Variants in TEX101 observed in about 807,000 individuals in gnomAD.
TEX101 encodes testis-expressed protein 101.
TEX101 carries 10 observed loss-of-function variants against 18.1 expected under a neutral mutation model. That is an observed-to-expected ratio of 0.55 (90% CI 0.34 to 0.94). The LOEUF (loss-of-function observed/expected upper bound fraction) is 0.94, where lower values mean the gene tolerates loss of function less well. Among genes scored for constraint, TEX101 ranks in the 40% least tolerant of loss-of-function variants. The probability of loss-of-function intolerance (pLI) is 0.02; values close to 1 mark genes in which losing one functional copy is unlikely to be tolerated. For missense variants in TEX101, 259 were observed against 298.9 expected (o/e 0.87, Z 0.98); for synonymous variants, 94 against 114.8 (o/e 0.82, Z 1.16).
chr19:43,411,365 C>G (rs912307536), upstream of TEX101, among the ~76,000 whole-genome samples: 1 of 152,216 alleles, frequency 6.6e-6, no homozygotes, highest in East Asian at 1.9e-4. Context: ...CCTGAGCCAC[C>G]GTGCCTGGCC....
the TEX101 span, among the ~76,000 whole-genome samples, chr19:43,395,360 C>T: frequency 1.3e-5 from 2 of 152,184 alleles, no homozygotes; most frequent in African/African-American, 4.8e-5. Flanking sequence ...ACAAATGTGG[C>T]GAATTTTGGG....
chr19:43,400,136 C>A (rs899257466), upstream of TEX101, among the ~76,000 whole-genome samples: 1 of 152,144 alleles, frequency 6.6e-6, no homozygotes, highest in Non-Finnish European at 1.5e-5. Context: ...CTTGACATGA[C>A]CCTTGTAGTA....
At chr19:43,417,781 G>A in intron 4 of TEX101, 97 bp from the exon 5 acceptor site, 1 of 1,495,986 alleles carries the variant, frequency 6.7e-7, no homozygotes, top group Non-Finnish European at 9.2e-7. Flanking sequence ...TGATTAGAGT[G>A]GCATCTGCAG....
chr19:43,398,578 G>A (rs901808700), upstream of TEX101, among the ~76,000 whole-genome samples: 8 of 152,106 alleles, frequency 5.3e-5, no homozygotes, highest in South Asian at 6.2e-4. Flanking sequence ...ATTTTTAAAC[G>A]GGGATACAAT....
chr19:43,405,943 G>A (rs1055556315), intron 2 of TEX101, among the ~76,000 whole-genome samples: 2 of 151,644 alleles, frequency 1.3e-5, no homozygotes, highest in African/African-American at 4.8e-5. Flanking sequence ...AAAATGGAAG[G>A]ATACACAATT....
exon 3 of TEX101, chr19:43,406,260 C>G (rs912526927): frequency 4.0e-6 from 2 of 499,114 alleles, no homozygotes; most frequent in Non-Finnish European, 3.5e-6. Context: ...CAATGAAGCC[C>G]GGATCAAGGG....
chr19:43,388,776 AT>A, the TEX101 span, among the ~76,000 whole-genome samples: 1 of 152,170 alleles, frequency 6.6e-6, no homozygotes, highest in Non-Finnish European at 1.5e-5. Context: ...ATTGTATCAC[AT>A]TTTGGCTTAA....
chr19:43,393,603 A>G, the TEX101 span, among the ~76,000 whole-genome samples: 60,645 of 151,348 alleles, frequency 0.4, 13,281 homozygotes, highest in East Asian at 0.72. Context: ...CAGCACTAAT[A>G]TCATGCACAT....
chr19:43,408,529 G>T (rs11669917), intron 3 of TEX101, among the ~76,000 whole-genome samples: 1 of 152,098 alleles, frequency 6.6e-6, no homozygotes, highest in Non-Finnish European at 1.5e-5. Flanking sequence ...GCGAGTTGGG[G>T]GTGGACAGGG....
the TEX101 span, among the ~76,000 whole-genome samples, chr19:43,389,949 A>G: frequency 6.6e-6 from 1 of 151,784 alleles, no homozygotes; most frequent in Non-Finnish European, 1.5e-5. Context: ...GCAGCATCCG[A>G]GCCAGCTTCT....
At chr19:43,407,813 C>A (rs1555745463) in intron 3 of TEX101, among the ~76,000 whole-genome samples, 1 of 152,206 alleles carries the variant, frequency 6.6e-6, no homozygotes, top group Non-Finnish European at 1.5e-5. Context: ...GGGTTGAGGC[C>A]CCATGCGGAG....
chr19:43,402,270 C>T (rs1437222259), intron 1 of TEX101, among the ~76,000 whole-genome samples: 2 of 152,098 alleles, frequency 1.3e-5, no homozygotes, highest in Admixed American at 6.5e-5. Flanking sequence ...TAGAAGCAAA[C>T]GAACAGCATC....
At chr19:43,415,524 G>C (rs1443016390) in intron 1 of TEX101, among the ~76,000 whole-genome samples, 1 of 152,202 alleles carries the variant, frequency 6.6e-6, no homozygotes, top group East Asian at 1.9e-4. Context: ...CACTATGGGG[G>C]GACGAGGCGG....
intron 4 of TEX101, among the ~76,000 whole-genome samples, chr19:43,417,654 T>A (rs1230853289): frequency 6.6e-6 from 1 of 152,256 alleles, no homozygotes; most frequent in Non-Finnish European, 1.5e-5. Context: ...ACAGGAACTA[T>A]GTCCTTTTCA....
the TEX101 span, among the ~76,000 whole-genome samples, chr19:43,389,703 G>A: frequency 1.3e-5 from 2 of 152,136 alleles, no homozygotes; most frequent in Non-Finnish European, 2.9e-5. Flanking sequence ...TTAGGGAAGG[G>A]CACCCTGGGC....
At chr19:43,403,817 T>A (rs1970338030) in intron 2 of TEX101, among the ~76,000 whole-genome samples, 1 of 152,034 alleles carries the variant, frequency 6.6e-6, no homozygotes, top group Non-Finnish European at 1.5e-5. Flanking sequence ...ATATCCAATT[T>A]TCTTGATTTA....
At chr19:43,408,933 G>T (rs192960491) in intron 3 of TEX101, among the ~76,000 whole-genome samples, 1 of 152,190 alleles carries the variant, frequency 6.6e-6, no homozygotes, top group African/African-American at 2.4e-5. Flanking sequence ...ACCCGTGGAG[G>T]CCTGGTGCTA....
chr19:43,404,410 T>C (rs1436383961), intron 2 of TEX101, among the ~76,000 whole-genome samples: 2 of 151,212 alleles, frequency 1.3e-5, no homozygotes, highest in Non-Finnish European at 2.9e-5. Context: ...ATCTATATTA[T>C]ATTACATATG....
intron 3 of TEX101, among the ~76,000 whole-genome samples, chr19:43,408,893 C>G (rs1397062106): frequency 6.6e-6 from 1 of 152,166 alleles, no homozygotes; most frequent in Non-Finnish European, 1.5e-5. Context: ...TGGCCTGATC[C>G]CACCCCTGGA....
Sources: gnomAD v4.1 joint callset for allele counts (sites outside exome capture counted in the v4.1 genomes callset) on GRCh38, gnomAD v4.1.1 for gene constraint, MANE v1.5 for transcripts, NCBI Gene and HGNC (gene_info 2026-07-23, HGNC 2026-07-21) for gene names.